The following MAML3 variants were observed in gnomAD, a reference collection of about 807,000 sequenced individuals.
The protein encoded by MAML3 is mastermind-like protein 3.
Under a neutral mutation model 101.9 loss-of-function variants are expected in MAML3, and 27 were observed. That is an observed-to-expected ratio of 0.27 (90% CI 0.20 to 0.37). The LOEUF is 0.37. MAML3 is among the 10% of genes least tolerant of loss of function. The pLI is 1.00. For missense variants in MAML3, 1,316 were observed against 1,444.9 expected, an observed-to-expected ratio of 0.91 and a Z score of 1.45; for synonymous variants, 501 against 555.9, an observed-to-expected ratio of 0.90 and a Z score of 1.39.
intron 1 of MAML3, among the ~76,000 whole-genome samples, chr4:139,988,563 C>G (rs10009373): frequency 0.54 from 82,159 of 151,880 alleles, 22,796 homozygotes; most frequent in African/African-American, 0.62. Flanking sequence ...GTTCATTAAA[C>G]GGTGCCATCC....
intron 2 of MAML3, among the ~76,000 whole-genome samples, chr4:139,854,797 CAGGTCATCTGGT>C (rs1553960439): frequency 8.6e-5 from 13 of 151,336 alleles, no homozygotes; most frequent in Non-Finnish European, 1.6e-4. Context: ...GGTGGGGACT[CAGGTCATCTGGT>C]GGTCTCTCCA....
chr4:140,049,720 G>A (rs1243552805), intron 1 of MAML3, among the ~76,000 whole-genome samples: 4 of 151,982 alleles, frequency 2.6e-5, no homozygotes, highest in African/African-American at 9.7e-5. Flanking sequence ...GATGGTGGGT[G>A]GGGAGAAAGA....
At chr4:139,860,506 G>A (rs1051781583) in intron 2 of MAML3, among the ~76,000 whole-genome samples, 1 of 152,128 alleles carries the variant, frequency 6.6e-6, no homozygotes, top group Admixed American at 6.5e-5. Context: ...GCCAACCTTT[G>A]TTTTCCCACA....
At chr4:140,002,405 A>G (rs903718184) in intron 1 of MAML3, among the ~76,000 whole-genome samples, 2 of 152,218 alleles carry the variant, frequency 1.3e-5, no homozygotes, top group Admixed American at 6.5e-5. Context: ...TAAAGTCTGA[A>G]AAGTTATTTC....
intron 2 of MAML3, among the ~76,000 whole-genome samples, chr4:139,864,203 G>A (rs922696591): frequency 8.5e-5 from 13 of 152,178 alleles, no homozygotes. Context: ...GAGCTACTTT[G>A]AGGTGGGTGA....
intron 1 of MAML3, among the ~76,000 whole-genome samples, chr4:139,983,712 A>G (rs1005600429): frequency 6.6e-6 from 1 of 152,210 alleles, no homozygotes; most frequent in Non-Finnish European, 1.5e-5. Context: ...TAGATTTGGT[A>G]ACATGGAAAA....
At chr4:139,996,220 C>T (rs1023855215) in intron 1 of MAML3, among the ~76,000 whole-genome samples, 1 of 152,106 alleles carries the variant, frequency 6.6e-6, no homozygotes, top group Non-Finnish European at 1.5e-5. Flanking sequence ...AATGTATATT[C>T]TGCAATTGTT....
chr4:139,865,772 C>T (rs755844532), intron 2 of MAML3, among the ~76,000 whole-genome samples: 13 of 152,294 alleles, frequency 8.5e-5, no homozygotes, highest in Non-Finnish European at 1.6e-4. Flanking sequence ...CCTTAGAGAG[C>T]CTGCTTGGGT....
intron 2 of MAML3, among the ~76,000 whole-genome samples, chr4:139,859,227 A>ATTT (rs61061197): frequency 1.7e-3 from 233 of 135,518 alleles, no homozygotes; most frequent in African/African-American, 6.7e-3. Context: ...GTTCTACTAC[A>ATTT]TTTTTTTTTT....
intron 2 of MAML3, among the ~76,000 whole-genome samples, chr4:139,768,225 T>TGTG (rs1004572818): frequency 3.3e-5 from 3 of 90,904 alleles, no homozygotes; most frequent in African/African-American, 1.8e-4. Flanking sequence ...TTGATAGTTG[T>TGTG]GTGTGTGTGT....
At chr4:139,766,284 G>T (rs568273334) in intron 2 of MAML3, among the ~76,000 whole-genome samples, 143 of 152,202 alleles carry the variant, frequency 9.4e-4, no homozygotes, top group African/African-American at 3.3e-3. Context: ...CGATTCTCCT[G>T]CCTCAGCCTC....
chr4:139,918,409 C>T (rs972739454), intron 1 of MAML3, among the ~76,000 whole-genome samples: 2 of 152,148 alleles, frequency 1.3e-5, no homozygotes, highest in African/African-American at 4.8e-5. Context: ...CGGTGCTTCT[C>T]TCCACGTGGA....
At chr4:139,781,493 A>G (rs1458388946) in intron 2 of MAML3, among the ~76,000 whole-genome samples, 2 of 142,616 alleles carry the variant, frequency 1.4e-5, no homozygotes, top group Non-Finnish European at 3.0e-5. Context: ...TCTTCTAATG[A>G]TCGCAGAGCA....
chr4:140,094,989 C>T (rs1450494117), intron 1 of MAML3, among the ~76,000 whole-genome samples: 2 of 152,170 alleles, frequency 1.3e-5, no homozygotes, highest in South Asian at 2.1e-4. Context: ...AGAGCAAAAC[C>T]CAGGCCAATC....
At chr4:139,965,874 GC>G (rs915492701) in intron 1 of MAML3, among the ~76,000 whole-genome samples, 24 of 152,278 alleles carry the variant, frequency 1.6e-4, no homozygotes, top group Admixed American at 1.1e-3. Flanking sequence ...CACCACCACT[GC>G]CAGCTCCAGT....
intron 1 of MAML3, among the ~76,000 whole-genome samples, chr4:139,928,330 C>T (rs954919372): frequency 2.0e-5 from 3 of 152,126 alleles, no homozygotes; most frequent in Admixed American, 6.6e-5. Context: ...CGCTGAAGGC[C>T]GTGGGCTCTG....
At chr4:139,838,590 G>T (rs897959245) in intron 2 of MAML3, among the ~76,000 whole-genome samples, 4 of 152,148 alleles carry the variant, frequency 2.6e-5, no homozygotes, top group Admixed American at 6.5e-5. Flanking sequence ...AAGTGTTGCT[G>T]TTCAGGTCCC....
intron 1 of MAML3, among the ~76,000 whole-genome samples, chr4:140,064,269 A>G (rs985336969): frequency 2.0e-5 from 3 of 152,238 alleles, no homozygotes; most frequent in African/African-American, 7.2e-5. Context: ...TGTATTCTAT[A>G]AAGTACCTAC....
intron 1 of MAML3, among the ~76,000 whole-genome samples, chr4:140,114,837 A>G (rs1272618060): frequency 6.6e-6 from 1 of 152,226 alleles, no homozygotes; most frequent in Non-Finnish European, 1.5e-5. Flanking sequence ...ATTTTCAACA[A>G]TATAGCCATA....
Sources: gnomAD v4.1 joint callset for allele counts (sites outside exome capture counted in the v4.1 genomes callset) on GRCh38, gnomAD v4.1.1 for gene constraint, MANE v1.5 for transcripts, NCBI Gene and HGNC (gene_info 2026-07-23, HGNC 2026-07-21) for gene names.